The following HTR2C variants were observed in gnomAD, a reference collection of about 807,000 sequenced individuals.
HTR2C encodes the protein 5-hydroxytryptamine (serotonin) receptor 2C, G protein-coupled.
HTR2C carries 5 observed loss-of-function variants against 21.0 expected under a neutral mutation model. That is an observed-to-expected ratio of 0.24 (90% CI 0.12 to 0.50). HTR2C has a LOEUF of 0.50. Among genes scored for constraint, HTR2C ranks in the 20% least tolerant of loss-of-function variants. The pLI is 0.98. For synonymous variants in HTR2C, 150 were observed against 145.3 expected, an observed-to-expected ratio of 1.03 and a Z score of -0.23; for missense variants, 271 against 371.2, an observed-to-expected ratio of 0.73 and a Z score of 2.22.
rs1602714917 is a variant in HTR2C at position 114,720,275 on chromosome X, G to A, written c.-79-6583G>A. ...TATTACGGTAGTAAGGGGATGATTT[G>A]GAGATTGATTTTTGTGTAGGTAGCA... On this transcript the variant is annotated intron_variant, in intron 2 of 5. Coordinates refer to ENST00000276198, the MANE Select transcript of HTR2C (RefSeq NM_000868.4). Among the ~76,000 whole-genome samples, 3 of 111,046 alleles carry A rather than the reference G, an allele frequency of 2.7e-5. No homozygotes were observed. In the South Asian group the frequency reaches 1.2e-3, roughly 43 times the overall value.
At chrX:114,837,178 G>C (rs782253380) in intron 4 of HTR2C, among the ~76,000 whole-genome samples, 1 of 111,575 alleles carries the variant, frequency 9.0e-6, no homozygotes, top group African/African-American at 3.2e-5. Flanking sequence ...ACATCTTCAA[G>C]CTTTATTTTC....
chrX:114,782,960 A>T (rs1275802886), intron 4 of HTR2C, among the ~76,000 whole-genome samples: 1 of 111,042 alleles, frequency 9.0e-6, no homozygotes, highest in Admixed American at 9.7e-5. Context: ...TTTGAAAGAG[A>T]GGCAGACAGA....
intron 4 of HTR2C, among the ~76,000 whole-genome samples, chrX:114,748,648 AG>A (rs1182015195): frequency 8.9e-6 from 1 of 112,303 alleles, no homozygotes; most frequent in Admixed American, 9.5e-5. Context: ...CAATGGAGAA[AG>A]AATAGTCTTT....
intron 2 of HTR2C, among the ~76,000 whole-genome samples, chrX:114,723,481 A>G (rs1273414949): frequency 9.0e-6 from 1 of 110,547 alleles, no homozygotes. Flanking sequence ...CGGATTCAAT[A>G]ATTTTTTGAA....
At chrX:114,737,673 G>A (rs1037206547) in intron 4 of HTR2C, among the ~76,000 whole-genome samples, 1 of 111,878 alleles carries the variant, frequency 8.9e-6, no homozygotes, top group Non-Finnish European at 1.9e-5. Flanking sequence ...AGATTACCTT[G>A]TAGATTTACA....
chrX:114,775,710 CT>C, intron 4 of HTR2C: 1 of 618,706 alleles, frequency 1.6e-6, no homozygotes, highest in Non-Finnish European at 2.5e-6. Flanking sequence ...TTATTCAGTT[CT>C]TTTCTATTGA....
At chrX:114,837,799 A>T (rs1357472088) in intron 4 of HTR2C, among the ~76,000 whole-genome samples, 1 of 111,531 alleles carries the variant, frequency 9.0e-6, no homozygotes, top group Non-Finnish European at 1.9e-5. Context: ...AATTAATAAC[A>T]TAATGATGAG....
At chrX:114,623,060 CAA>C (rs1174823858) in intron 2 of HTR2C, among the ~76,000 whole-genome samples, 4 of 111,694 alleles carry the variant, frequency 3.6e-5, no homozygotes, top group African/African-American at 9.8e-5. Flanking sequence ...TCCCACCAAA[CAA>C]GAGAGATATT....
At chrX:114,852,369 G>C (rs1382184533) in intron 5 of HTR2C, among the ~76,000 whole-genome samples, 1 of 107,123 alleles carries the variant, frequency 9.3e-6, no homozygotes, top group Non-Finnish European at 1.9e-5. Flanking sequence ...CTATTCCGTG[G>C]TTAACCCATT....
chrX:114,762,002 A>G lies in HTR2C; in HGVS notation c.349+30395A>G, dbSNP rs1556432667. Among the ~76,000 whole-genome samples the G allele has an allele frequency of 2.4e-3, 16 of 6,638 alleles. 3 individuals carry two copies. Among genetic ancestry groups the G allele is most frequent in the Admixed American group, 9.3e-3 (3 of 321 alleles). The allele number at this position is 6,638 out of a possible 115,157, so 5.8% of individuals were successfully genotyped here. A position where few individuals can be genotyped will look rare whatever the true frequency, so the allele number is the denominator to read the frequency against. On this transcript the variant is annotated intron_variant, in intron 4 of 5. Coordinates refer to ENST00000276198, the MANE Select transcript of HTR2C (RefSeq NM_000868.4). Reference sequence around the variant, plus strand: ...ACGTGTATATATACTATATATACACATATATATAGTATATATACTATTTGT... The same window carrying G: ...ACGTGTATATATACTATATATACACGTATATATAGTATATATACTATTTGT...
intron 4 of HTR2C, among the ~76,000 whole-genome samples, chrX:114,773,729 G>C (rs926145836): frequency 8.9e-6 from 1 of 112,416 alleles, no homozygotes; most frequent in Non-Finnish European, 1.9e-5. Flanking sequence ...TCAGGAACTA[G>C]AATTAAACAA....
At chrX:114,683,559 CG>C in intron 2 of HTR2C, among the ~76,000 whole-genome samples, 1 of 110,722 alleles carries the variant, frequency 9.0e-6, no homozygotes, top group Middle Eastern at 4.6e-3. Context: ...CCAAGGCGGG[CG>C]GATCACTTGA....
intron 2 of HTR2C, among the ~76,000 whole-genome samples, chrX:114,614,306 G>A (rs1569478296): frequency 9.1e-6 from 1 of 109,628 alleles, no homozygotes; most frequent in Non-Finnish European, 1.9e-5. Context: ...TGTTGCCCAG[G>A]CTGGAGTGCA....
At chrX:114,868,495 C>T (rs782771871) in intron 5 of HTR2C, among the ~76,000 whole-genome samples, 2 of 110,945 alleles carry the variant, frequency 1.8e-5, no homozygotes, top group East Asian at 2.9e-4. Context: ...ACTGCCGATT[C>T]GTTGTCTTTA....
At chrX:114,784,713 G>A (rs782260129) in intron 4 of HTR2C, among the ~76,000 whole-genome samples, 163 of 108,623 alleles carry the variant, frequency 1.5e-3, no homozygotes, top group Admixed American at 5.0e-3. Context: ...TCCGCCTCCC[G>A]GGTTCACGCC....
At chrX:114,660,632 T>A (rs1219915923) in intron 2 of HTR2C, among the ~76,000 whole-genome samples, 1 of 112,582 alleles carries the variant, frequency 8.9e-6, no homozygotes, top group Non-Finnish European at 1.9e-5. Context: ...ATTTTTAAAT[T>A]ACTATTACTA....
At chrX:114,757,564 C>A (rs2147373892) in intron 4 of HTR2C, among the ~76,000 whole-genome samples, 1 of 111,799 alleles carries the variant, frequency 8.9e-6, no homozygotes, top group Non-Finnish European at 1.9e-5. Context: ...AAACTAGACA[C>A]TCTGTGCCTA....
At chrX:114,778,083 T>C (rs183192558) in intron 4 of HTR2C, among the ~76,000 whole-genome samples, 185 of 111,915 alleles carry the variant, frequency 1.7e-3, no homozygotes, top group African/African-American at 5.3e-3. Flanking sequence ...TCTGAAGATA[T>C]TTTTTAATAA....
intron 2 of HTR2C, among the ~76,000 whole-genome samples, chrX:114,633,779 A>C (rs1239570639): frequency 8.2e-5 from 9 of 109,424 alleles, no homozygotes; most frequent in African/African-American, 3.0e-4. Flanking sequence ...CTCTCTCTAT[A>C]TATATATACA....
Sources: gnomAD v4.1 joint callset for allele counts (sites outside exome capture counted in the v4.1 genomes callset) on GRCh38, gnomAD v4.1.1 for gene constraint, MANE v1.5 for transcripts, NCBI Gene and HGNC (gene_info 2026-07-23, HGNC 2026-07-21) for gene names.